Variants in GLYR1 observed in about 807,000 individuals in gnomAD.
The protein encoded by GLYR1 is glyoxylate reductase 1 homolog, also known as cytokine-like nuclear factor N-PAC.
In GLYR1, 21 loss-of-function variants were observed where a neutral mutation model predicts 72.7. The ratio of observed to expected loss-of-function variants is 0.29; its 90% CI spans 0.20 to 0.42. The LOEUF is 0.42. GLYR1 is among the 10% of genes least tolerant of loss of function. The pLI is 1.00. For synonymous variants in GLYR1, 392 were observed against 270.2 expected (o/e 1.45, Z -4.42); for missense variants, 594 against 712.1 (o/e 0.83, Z 1.89).
intron 15 of GLYR1, among the ~76,000 whole-genome samples, chr16:4,809,872 C>T (rs1014748400): frequency 2.0e-5 from 3 of 151,266 alleles, no homozygotes; most frequent in African/African-American, 7.3e-5. Flanking sequence ...TGCGGTGAGC[C>T]GAGATCGCGA....
chr16:4,807,696 G>A (rs2083071914), intron 15 of GLYR1, among the ~76,000 whole-genome samples: 1 of 152,176 alleles, frequency 6.6e-6, no homozygotes, highest in South Asian at 2.1e-4. Context: ...TCAGGGTGGA[G>A]GCAACTTGGA....
chr16:4,811,702 T>C lies in GLYR1; in HGVS notation c.1383A>G (p.Thr461=), dbSNP rs769436673. The C allele has an allele frequency of 2.5e-6, 4 of 1,614,202 alleles. No individual in the cohort carries two copies. The highest frequency in any genetic ancestry group is 3.4e-6 in the Non-Finnish European group (4 of 1,180,026). The part of the protein sequence containing the change: ...IAEGLTLAQV[T]GQSQQTLLDI... ...CCAAGAGTGTCTGCTGGGACTGGCC[T>C]GTCACCTGGGCCAGGGTCAGCCCCT... The change falls in exon 14 of 16, where the codon ACA becomes ACG. Residue 461 remains threonine (T), a synonymous_variant. Coordinates refer to ENST00000321919, the MANE Select transcript of GLYR1 (RefSeq NM_032569.4).
At chr16:4,825,656 C>T (rs999386938) in intron 5 of GLYR1, among the ~76,000 whole-genome samples, 6 of 147,120 alleles carry the variant, frequency 4.1e-5, no homozygotes, top group Non-Finnish European at 9.0e-5. Context: ...TTATCATCTT[C>T]TTTTTTTTTT....
chr16:4,808,787 T>C (rs988064893), intron 15 of GLYR1, among the ~76,000 whole-genome samples: 1 of 152,044 alleles, frequency 6.6e-6, no homozygotes, highest in Non-Finnish European at 1.5e-5. Flanking sequence ...GCGGAACTTC[T>C]ACCCTAAAAA....
At chr16:4,817,048 A>C (rs888124731) in intron 10 of GLYR1, among the ~76,000 whole-genome samples, 23 of 150,778 alleles carry the variant, frequency 1.5e-4, no homozygotes, top group African/African-American at 5.6e-4. Flanking sequence ...CATTCAAGTT[A>C]TTCTCCTGCC....
chr16:4,806,355 C>T (rs1443701628), intron 15 of GLYR1, among the ~76,000 whole-genome samples: 1 of 151,934 alleles, frequency 6.6e-6, no homozygotes, highest in African/African-American at 2.4e-5. Flanking sequence ...ACAAGATTAA[C>T]TGTCTTTTTT....
At chr16:4,812,619 A>G (rs191743098) in intron 12 of GLYR1, among the ~76,000 whole-genome samples, 14 of 150,760 alleles carry the variant, frequency 9.3e-5, no homozygotes, top group African/African-American at 2.7e-4. Context: ...CAGCCTCCCG[A>G]GTAACTGGGA....
intron 5 of GLYR1, among the ~76,000 whole-genome samples, chr16:4,825,958 T>C (rs2084356268): frequency 6.6e-6 from 1 of 152,126 alleles, no homozygotes; most frequent in Non-Finnish European, 1.5e-5. Flanking sequence ...AGCCCTATTA[T>C]AATCTTCTTT....
At chr16:4,821,649 T>C (rs140805423) in intron 7 of GLYR1, 52 bp from the exon 8 acceptor site, 2 of 1,528,712 alleles carry the variant, frequency 1.3e-6, no homozygotes, top group South Asian at 2.2e-5. Context: ...GCTTAACCAG[T>C]CTTCATAATA....
intron 3 of GLYR1, among the ~76,000 whole-genome samples, chr16:4,834,143 T>G (rs1015531484): frequency 6.6e-6 from 1 of 152,166 alleles, no homozygotes; most frequent in Non-Finnish European, 1.5e-5. Context: ...TAATGGGGTC[T>G]GTGCAAAAAC....
intron 14 of GLYR1, 108 bp from the exon 15 acceptor site, chr16:4,811,402 C>T (rs2083315380): frequency 2.0e-6 from 3 of 1,484,070 alleles, no homozygotes; most frequent in African/African-American, 1.4e-5. Context: ...CTCAGTTCCA[C>T]ATAGCCTAGG....
intron 4 of GLYR1, 143 bp from the exon 5 acceptor site, chr16:4,832,364 CCAGA>C (rs1394976312): frequency 1.1e-5 from 11 of 1,008,444 alleles, no homozygotes; most frequent in Admixed American, 2.6e-5. Flanking sequence ...TGCTGTCGTC[CCAGA>C]CATTGGGAGA....
At position 4,805,227 on chromosome 16, in the gene GLYR1, G is replaced by T. The variant is rs572420635; in HGVS notation, c.*9C>A. ...GGGATTGGAGGGGTGAGGGCGGGGT[G>T]TCGACAGCTTAGTGTATGTAGGCTC... On this transcript the variant is annotated 3_prime_UTR_variant, in exon 16 of 16. Coordinates refer to ENST00000321919, the MANE Select transcript of GLYR1 (RefSeq NM_032569.4). 9.6e-5 allele frequency: 155 copies of T among 1,613,364 alleles called. No homozygotes were observed. The highest frequency in any genetic ancestry group is 8.5e-4 in the South Asian group (77 of 90,936).
At position 4,839,528 on chromosome 16, in the gene GLYR1, G is replaced by T. The variant is rs907201067; in HGVS notation, c.155+5546C>A. ...GTAGTCACCAAGTGAAGCTGGCAGG[G>T]TTTTGCTGAAATTATATCCCCTTCG... On this transcript the variant is annotated intron_variant, in intron 3 of 15. Transcript: ENST00000321919. The T allele has an allele frequency of 2.6e-5, 4 of 152,340 alleles. No individual in the cohort carries two copies. The South Asian group carries it at 6.2e-4, about 24-fold the overall frequency. 9.4% of individuals were successfully genotyped at this position (152,340 alleles called of 1,614,324 possible).
chr16:4,812,237 G>A lies in GLYR1; in HGVS notation c.1131C>T (p.Ser377=). The A allele has an allele frequency of 2.5e-6, 4 of 1,612,508 alleles. No individual in the cohort carries two copies. Among genetic ancestry groups the A allele is most frequent in the Non-Finnish European group, 3.4e-6 (4 of 1,179,670 alleles). The change falls in exon 13 of 16, where the codon TCC becomes TCT. Residue 377 remains serine, a synonymous_variant. Coordinates refer to ENST00000321919, the MANE Select transcript of GLYR1 (RefSeq NM_032569.4). The part of the protein sequence containing the change: ...TVTELAQVIV[S]RGGRFLEAPV... ...GGGCTTCCAGAAAGCGCCCCCCCCTGGACACAATCACCTGGAAAGAAAAGT... is the reference window on the plus strand; with the variant it reads ...GGGCTTCCAGAAAGCGCCCCCCCCTAGACACAATCACCTGGAAAGAAAAGT...
At chr16:4,815,668 C>A (rs1213054334) in intron 10 of GLYR1, among the ~76,000 whole-genome samples, 1 of 152,212 alleles carries the variant, frequency 6.6e-6, no homozygotes, top group African/African-American at 2.4e-5. Flanking sequence ...AGATCACCAG[C>A]AAGCTCTCCT....
At chr16:4,817,529 G>A in intron 10 of GLYR1, 69 bp downstream of exon 10, 2 of 897,654 alleles carry the variant, frequency 2.2e-6, no homozygotes, top group South Asian at 2.7e-5. Context: ...AGACAACAGG[G>A]GGAGATGTCC....
Position 4,811,234 on chromosome 16 carries a change from C to T in GLYR1, c.1523G>A (p.Arg508His), listed in dbSNP as rs1181302909. The change falls in exon 15 of 16, where the codon CGC becomes CAC. Residue 508 changes from arginine to histidine, a missense_variant. Coordinates refer to ENST00000321919, the MANE Select transcript of GLYR1 (RefSeq NM_032569.4). The stretch of plus-strand genomic sequence containing the variant: ...CGCATCACCCAGCGCAATGGCTAAG[C>T]GGAGATCCTTCTGAATGTATTTCAG... Reference protein sequence around the residue: ...FYLKYIQKDLRLAIALGDAVN... With the variant: ...FYLKYIQKDLHLAIALGDAVN... 7 of 1,614,028 alleles carry T rather than the reference C, an allele frequency of 4.3e-6. No homozygotes were observed. The highest frequency in any genetic ancestry group is 1.3e-5 in the African/African-American group (1 of 74,928).
chr16:4,813,968 G>A, intron 11 of GLYR1, 130 bp from the exon 12 acceptor site: 1 of 636,090 alleles, frequency 1.6e-6, no homozygotes, highest in East Asian at 3.0e-5. Context: ...GAAAAGGGAA[G>A]AACAATGAAA....
Sources: gnomAD v4.1 joint callset for allele counts (sites outside exome capture counted in the v4.1 genomes callset) on GRCh38, gnomAD v4.1.1 for gene constraint, MANE v1.5 for transcripts, NCBI Gene and HGNC (gene_info 2026-07-23, HGNC 2026-07-21) for gene names.